The following PCDH15 variants were observed in gnomAD, a reference collection of about 807,000 sequenced individuals.
The protein encoded by PCDH15 is protocadherin related 15.
In PCDH15, 129 loss-of-function variants were observed where a neutral mutation model predicts 178.5. That is an observed-to-expected ratio of 0.72 (90% CI 0.63 to 0.84). The LOEUF (loss-of-function observed/expected upper bound fraction) is 0.84. Ranked by LOEUF, PCDH15 falls within the 40% of genes least tolerant of loss-of-function variation. The pLI, the probability that PCDH15 is intolerant of heterozygous loss-of-function variation, is 0.00. For synonymous variants in PCDH15, 800 were observed against 732.0 expected (o/e 1.09, Z -1.50); for missense variants, 2,230 against 2,099.9 (o/e 1.06, Z -1.21).
intron 8 of PCDH15, among the ~76,000 whole-genome samples, chr10:54,316,800 G>A (rs972121198): frequency 1.3e-5 from 2 of 152,060 alleles, no homozygotes; most frequent in Admixed American, 6.6e-5. Flanking sequence ...TACTTTAAGA[G>A]GTAAGTATTT....
At chr10:54,804,286 G>T (rs528010424), upstream of PCDH15, among the ~76,000 whole-genome samples, 193 of 152,160 alleles carry the variant, frequency 1.3e-3, no homozygotes, top group African/African-American at 4.3e-3. Flanking sequence ...TGATCCTCCC[G>T]CCTCGGCCTC....
At chr10:55,280,758 A>C (rs1209780455) in intron 1 of PCDH15, among the ~76,000 whole-genome samples, 1 of 152,142 alleles carries the variant, frequency 6.6e-6, no homozygotes, top group Non-Finnish European at 1.5e-5. Flanking sequence ...GATTTATTTT[A>C]TCTCTCTCTA....
In PCDH15 at chr10:53,961,811, C is replaced by A; in HGVS notation, c.2950G>T (p.Asp984Tyr). The change falls in exon 22 of 38, where the codon GAT (aspartate) becomes TAT (tyrosine). Residue 984 changes from aspartate (D) to tyrosine (Y), a missense_variant. Transcript: ENST00000644397. ...YPASIFEVEE[D>Y]SGRVITRVNL... ...ACTCGTGTTATTACTCTTCCAGAAT[C>A]TTCTTCCACTTCAAAAATACTGGCA... 1 of 1,611,736 alleles carries A rather than the reference C, an allele frequency of 6.2e-7. No homozygotes were observed. Among genetic ancestry groups the A allele is most frequent in the Non-Finnish European group, 8.5e-7 (1 of 1,178,282 alleles).
At chr10:55,395,196 T>TGTGTGTGAGAGA (rs1438872191) in intron 2 of PCDH15, among the ~76,000 whole-genome samples, 5 of 126,700 alleles carry the variant, frequency 3.9e-5, no homozygotes, top group African/African-American at 1.6e-4. Context: ...TGTGTGTGTG[T>TGTGTGTGAGAGA]GAGAGAGAGA....
chr10:54,728,049 A>T (rs1942822312), intron 1 of PCDH15, among the ~76,000 whole-genome samples: 1 of 151,372 alleles, frequency 6.6e-6, no homozygotes, highest in Admixed American at 6.6e-5. Flanking sequence ...ATTCCAAAAA[A>T]CTGAGGAGGG....
intron 1 of PCDH15, among the ~76,000 whole-genome samples, chr10:54,785,832 A>G (rs1387419326): frequency 6.6e-6 from 1 of 151,984 alleles, no homozygotes; most frequent in East Asian, 1.9e-4. Context: ...CTAAATCCTC[A>G]CTTATATCTT....
intron 2 of PCDH15, among the ~76,000 whole-genome samples, chr10:55,010,808 AAG>A (rs1840030212): frequency 7.0e-6 from 1 of 142,992 alleles, no homozygotes; most frequent in African/African-American, 2.5e-5. Context: ...ATAAAAAAAA[AAG>A]GTATTTATAT....
chr10:54,893,793 A>T (rs573666248), intron 3 of PCDH15, among the ~76,000 whole-genome samples: 1 of 152,240 alleles, frequency 6.6e-6, no homozygotes, highest in South Asian at 2.1e-4. Context: ...AATTATTTAC[A>T]CGACAGCTCT....
intron 18 of PCDH15, among the ~76,000 whole-genome samples, chr10:54,062,243 A>AAAAAAAAAAAAAAAAAAAAAAAAAT (rs2094037150): frequency 7.0e-6 from 1 of 143,670 alleles, no homozygotes; most frequent in Non-Finnish European, 1.5e-5. Context: ...AAAAAAAAAA[A>AAAAAAAAAAAAAAAAAAAAAAAAAT]AAAAAAAAAC....
intron 26 of PCDH15, among the ~76,000 whole-genome samples, chr10:53,872,661 T>C (rs183805200): frequency 1.2e-3 from 176 of 152,318 alleles, no homozygotes; most frequent in African/African-American, 4.2e-3. Flanking sequence ...TGTAAGTCCA[T>C]GGTCTCTGAG....
At chr10:54,541,063 G>C (rs755234006) in intron 2 of PCDH15, among the ~76,000 whole-genome samples, 1 of 151,978 alleles carries the variant, frequency 6.6e-6, no homozygotes, top group Non-Finnish European at 1.5e-5. Context: ...ACTAAATGTC[G>C]CAAAAGCTGG....
intron 18 of PCDH15, among the ~76,000 whole-genome samples, chr10:54,057,017 C>T (rs923170456): frequency 6.6e-6 from 1 of 152,190 alleles, no homozygotes; most frequent in African/African-American, 2.4e-5. Flanking sequence ...ACATCCAGGT[C>T]ATGCTGATGC....
At chr10:54,940,938 A>G (rs1168920845) in intron 2 of PCDH15, among the ~76,000 whole-genome samples, 1 of 152,104 alleles carries the variant, frequency 6.6e-6, no homozygotes, top group African/African-American at 2.4e-5. Flanking sequence ...TAGACAATAT[A>G]AAGTAGGATT....
intron 20 of PCDH15, among the ~76,000 whole-genome samples, chr10:54,016,394 C>A (rs1281540585): frequency 6.6e-6 from 1 of 152,014 alleles, no homozygotes; most frequent in African/African-American, 2.4e-5. Context: ...CAAAGATAAA[C>A]AAATTGTTGT....
chr10:55,586,405 A>G (rs1842728041), intron 2 of PCDH15, among the ~76,000 whole-genome samples: 1 of 152,104 alleles, frequency 6.6e-6, no homozygotes, highest in South Asian at 2.1e-4. Flanking sequence ...AGTTCCTTGC[A>G]CTAGCCTAGG....
chr10:55,619,288 T>A (rs1332884617), intron 2 of PCDH15, among the ~76,000 whole-genome samples: 1 of 151,888 alleles, frequency 6.6e-6, no homozygotes, highest in African/African-American at 2.4e-5. Context: ...ACATAATACA[T>A]GTAAAAACTG....
rs541814721 is a variant in PCDH15, at chr10:55,285,075, G to A, written c.-156+34524C>T. On this transcript the variant is annotated intron_variant, in intron 1 of 5. Coordinates refer to the PCDH15 transcript ENST00000458638. The stretch of plus-strand genomic sequence containing the variant: ...TTTTCTTAATCTCTCTGAAGATATT[G>A]AGCTTTCCATCTATGTTTTCTATAA... Among the ~76,000 whole-genome samples, 16 of 150,586 alleles carry A rather than the reference G, an allele frequency of 1.1e-4. No homozygotes were observed. The East Asian group carries it at 3.2e-3, about 30-fold the overall frequency.
At chr10:54,322,341 T>A (rs899669587) in intron 7 of PCDH15, among the ~76,000 whole-genome samples, 2 of 151,934 alleles carry the variant, frequency 1.3e-5, no homozygotes, top group African/African-American at 2.4e-5. Context: ...TTCATCTGCA[T>A]TTCTCTTCTT....
chr10:54,812,928 T>C (rs1326983140), intron 3 of PCDH15, among the ~76,000 whole-genome samples: 1 of 152,148 alleles, frequency 6.6e-6, no homozygotes, highest in African/African-American at 2.4e-5. Context: ...TATCCTCACT[T>C]TGCACTTACT....
Sources: allele counts gnomAD v4.1 joint callset (sites outside exome capture counted in the v4.1 genomes callset), GRCh38; gene constraint gnomAD v4.1.1; transcripts MANE v1.5; gene names NCBI Gene and HGNC (gene_info 2026-07-23, HGNC 2026-07-21).